FBXO36: variants seen among roughly 807,000 people sequenced by gnomAD.
The protein encoded by FBXO36 is F-box protein 36.
In FBXO36, 18 loss-of-function variants were observed where a neutral mutation model predicts 17.0. The observed-to-expected ratio is 1.06, with a 90% CI of 0.73 to 1.57. FBXO36 has a LOEUF of 1.57. Ranked by LOEUF, FBXO36 falls within the 40% of genes most tolerant of loss-of-function variation. The pLI is 0.00. For missense variants in FBXO36, 229 were observed against 221.9 expected (o/e 1.03, Z -0.20); for synonymous variants, 83 against 85.3 (o/e 0.97, Z 0.15).
chr2:229,964,631 C>A (rs1288309799), intron 1 of FBXO36, among the ~76,000 whole-genome samples: 2 of 152,224 alleles, frequency 1.3e-5, no homozygotes, highest in Non-Finnish European at 2.9e-5. Flanking sequence ...AGTGATTATC[C>A]TGCCTCAGCC....
At chr2:229,997,064 A>G (rs2077331480) in intron 3 of FBXO36, 141 bp downstream of exon 3, 2 of 730,202 alleles carry the variant, frequency 2.7e-6, no homozygotes, top group Non-Finnish European at 4.6e-6. Context: ...ATGAAATGAC[A>G]TTCCTCCCCT....
intron 1 of FBXO36, among the ~76,000 whole-genome samples, chr2:229,944,277 A>G (rs1276984641): frequency 6.6e-6 from 1 of 152,148 alleles, no homozygotes; most frequent in Non-Finnish European, 1.5e-5. Flanking sequence ...TTGAAATGAA[A>G]CCTAAGGTAA....
chr2:229,982,011 T>C (rs1045299365), intron 2 of FBXO36, among the ~76,000 whole-genome samples: 2 of 150,988 alleles, frequency 1.3e-5, no homozygotes, highest in African/African-American at 4.9e-5. Context: ...CACACTTGAG[T>C]TTTTTGTTTT....
chr2:229,940,942 T>C (rs2076994810), intron 1 of FBXO36, among the ~76,000 whole-genome samples: 1 of 152,134 alleles, frequency 6.6e-6, no homozygotes, highest in Admixed American at 6.6e-5. Flanking sequence ...CGCCTAAATA[T>C]GTTAGTGGGA....
At chr2:229,998,117 T>C (rs1366012134) in intron 3 of FBXO36, among the ~76,000 whole-genome samples, 1 of 152,236 alleles carries the variant, frequency 6.6e-6, no homozygotes, top group Non-Finnish European at 1.5e-5. Flanking sequence ...CAAATCATAA[T>C]CTTATTATCT....
At chr2:229,963,523 C>G (rs1294742699) in intron 1 of FBXO36, among the ~76,000 whole-genome samples, 1 of 150,426 alleles carries the variant, frequency 6.6e-6, no homozygotes, top group African/African-American at 2.5e-5. Context: ...CAGCTCACGG[C>G]AAGCTCCGCC....
At chr2:229,935,178 T>C (rs1474747419) in intron 1 of FBXO36, among the ~76,000 whole-genome samples, 1 of 152,168 alleles carries the variant, frequency 6.6e-6, no homozygotes, top group African/African-American at 2.4e-5. Flanking sequence ...CTTACAAATG[T>C]TTTATTGTTT....
intron 3 of FBXO36, among the ~76,000 whole-genome samples, chr2:230,005,531 CAAAG>C (rs1363249217): frequency 1.3e-5 from 2 of 152,050 alleles, no homozygotes; most frequent in African/African-American, 2.4e-5. Flanking sequence ...TTAAAATACT[CAAAG>C]AAATATATTG....
At chr2:230,005,961 C>T (rs2077384988) in intron 3 of FBXO36, among the ~76,000 whole-genome samples, 1 of 152,144 alleles carries the variant, frequency 6.6e-6, no homozygotes, top group Non-Finnish European at 1.5e-5. Context: ...AGCCACCACG[C>T]CCAGCCCATA....
intron 1 of FBXO36, among the ~76,000 whole-genome samples, chr2:229,962,203 T>G (rs2077125062): frequency 6.6e-6 from 1 of 152,040 alleles, no homozygotes; most frequent in Admixed American, 6.6e-5. Flanking sequence ...GGTTTTATAC[T>G]CCTTATGTTA....
At chr2:229,985,355 G>C (rs2077262796) in intron 2 of FBXO36, among the ~76,000 whole-genome samples, 2 of 152,106 alleles carry the variant, frequency 1.3e-5, no homozygotes, top group Non-Finnish European at 2.9e-5. Flanking sequence ...TAGGAGGTAG[G>C]TGTTTTCTTA....
At chr2:229,941,600 C>CA (rs2076998998) in intron 1 of FBXO36, among the ~76,000 whole-genome samples, 2 of 136,196 alleles carry the variant, frequency 1.5e-5, no homozygotes, top group Admixed American at 1.5e-4. Flanking sequence ...CCAGGAGAGG[C>CA]GAAAAAAAAA....
At chr2:229,978,396 A>T (rs2077221051) in intron 2 of FBXO36, among the ~76,000 whole-genome samples, 2 of 152,098 alleles carry the variant, frequency 1.3e-5, no homozygotes, top group Admixed American at 1.3e-4. Flanking sequence ...CAGCCTGGCC[A>T]AGACAGTGAA....
At chr2:229,945,751 G>A (rs1018479402) in intron 1 of FBXO36, among the ~76,000 whole-genome samples, 1 of 152,000 alleles carries the variant, frequency 6.6e-6, no homozygotes, top group Non-Finnish European at 1.5e-5. Context: ...AGCCAGGCGC[G>A]GTGGCTCATG....
At chr2:229,978,591 A>AAAT (rs751071822) in intron 2 of FBXO36, among the ~76,000 whole-genome samples, 20 of 151,948 alleles carry the variant, frequency 1.3e-4, no homozygotes, top group Admixed American at 3.9e-4. Context: ...CCATCTCAAA[A>AAAT]AATAATAATA....
chr2:229,940,933 G>A (rs373049086), intron 1 of FBXO36, among the ~76,000 whole-genome samples: 5 of 152,024 alleles, frequency 3.3e-5, no homozygotes, highest in East Asian at 3.9e-4. Flanking sequence ...TACTTGATTC[G>A]CCTAAATATG....
intron 1 of FBXO36, among the ~76,000 whole-genome samples, chr2:229,965,147 C>CTTTT (rs34600346): frequency 1.5e-4 from 18 of 121,144 alleles, no homozygotes; most frequent in South Asian, 2.6e-4. Flanking sequence ...TTCTTCCTTC[C>CTTTT]TTTTTTTTTT....
At chr2:229,985,137 C>T (rs936382073) in intron 2 of FBXO36, among the ~76,000 whole-genome samples, 2 of 152,124 alleles carry the variant, frequency 1.3e-5, no homozygotes, top group African/African-American at 4.8e-5. Context: ...ATTATGCCAA[C>T]TTTATAATTA....
intron 1 of FBXO36, among the ~76,000 whole-genome samples, chr2:229,957,186 C>T (rs1202541447): frequency 6.6e-6 from 1 of 152,102 alleles, no homozygotes; most frequent in Non-Finnish European, 1.5e-5. Context: ...CTGAAAAGGG[C>T]ATAGATGCAG....
Sources: gnomAD v4.1 joint callset for allele counts (sites outside exome capture counted in the v4.1 genomes callset) on GRCh38, gnomAD v4.1.1 for gene constraint, MANE v1.5 for transcripts, NCBI Gene and HGNC (gene_info 2026-07-23, HGNC 2026-07-21) for gene names.